The following TNFRSF8 variants were observed in gnomAD, a reference collection of about 807,000 sequenced individuals.
TNFRSF8 encodes the protein tumor necrosis factor receptor superfamily member 8.
A neutral mutation model predicts 70.8 loss-of-function variants in TNFRSF8; 26 were observed. The observed-to-expected ratio is 0.37, with a 90% CI of 0.27 to 0.51. The LOEUF (loss-of-function observed/expected upper bound fraction) is 0.51. Among genes scored for constraint, TNFRSF8 ranks in the 20% least tolerant of loss-of-function variants. The pLI, the probability that TNFRSF8 is intolerant of heterozygous loss-of-function variation, is 0.94. For synonymous variants in TNFRSF8, 356 were observed against 339.2 expected, an observed-to-expected ratio of 1.05 and a Z score of -0.54; for missense variants, 720 against 807.9, an observed-to-expected ratio of 0.89 and a Z score of 1.32.
rs771979594 is a variant in TNFRSF8, at chr1:12,138,212, C to T, written c.1336-17C>T. The T allele has an allele frequency of 1.2e-6, 2 of 1,612,090 alleles. No homozygotes were observed. Among genetic ancestry groups the T allele is most frequent in the South Asian group, 2.2e-5 (2 of 90,964 alleles). Reference sequence around the variant, plus strand: ...GGTTGGGGGTACCCTGCAGCAGCACCCATTCCCGTCCCACAGCAGCTGAGG... The same window carrying T: ...GGTTGGGGGTACCCTGCAGCAGCACTCATTCCCGTCCCACAGCAGCTGAGG... On this transcript the variant is annotated splice_polypyrimidine_tract_variant and intron_variant, in intron 13 of 14. Transcript: ENST00000263932. The surrounding 1 kb of genome is among the most constrained non-coding windows in gnomAD (Gnocchi z 5.7).
In TNFRSF8 at chr1:12,063,848, T is replaced by G. The variant is rs763965704; in HGVS notation, c.63+187T>G. Among the ~76,000 whole-genome samples, 1 of 152,106 alleles carries G rather than the reference T, an allele frequency of 6.6e-6. No individual in the cohort carries two copies. The highest frequency in any genetic ancestry group is 6.6e-5 in the Admixed American group (1 of 15,266). Reference sequence around the variant, plus strand: ...ACAGGTGGGAGGCTGGCTGAAGGGCTAGTGGTGGGGGGCGCCTCCTTCTCA... The same window carrying G: ...ACAGGTGGGAGGCTGGCTGAAGGGCGAGTGGTGGGGGGCGCCTCCTTCTCA... On this transcript the variant is annotated intron_variant, in intron 1 of 14. Coordinates refer to ENST00000263932, the MANE Select transcript of TNFRSF8 (RefSeq NM_001243.5). The surrounding 1 kb of genome is among the most constrained non-coding windows in gnomAD (Gnocchi z 7.2).
At chr1:12,091,308 A>G (rs1641244655) in intron 2 of TNFRSF8, among the ~76,000 whole-genome samples, 1 of 152,226 alleles carries the variant, frequency 6.6e-6, no homozygotes. Context: ...AAGGCAGCTT[A>G]TAAAGTTGTG....
intron 1 of TNFRSF8, among the ~76,000 whole-genome samples, chr1:12,078,744 G>A (rs60330950): frequency 0.062 from 9,481 of 152,184 alleles, 1,006 homozygotes; most frequent in African/African-American, 0.21. Context: ...TCGTCCTTAC[G>A]TCTCAGTCTC....
At position 12,124,163 on chromosome 1, in the gene TNFRSF8, C is replaced by A. The variant is rs545865434; in HGVS notation, c.1153+336C>A. 4.6e-5 allele frequency among the ~76,000 whole-genome samples: 7 copies of A among 152,086 alleles called. 1 individual carries two copies. The highest frequency in any genetic ancestry group is 1.0e-4 in the Non-Finnish European group (7 of 68,032). On this transcript the variant is annotated intron_variant, in intron 10 of 14. Transcript: ENST00000263932. Reference sequence around the variant, plus strand: ...GGGTTTACAGGCGCTTGCCACCACGCCTGGCTAAATTTTTTTTTAATTTTT... The same window carrying A: ...GGGTTTACAGGCGCTTGCCACCACGACTGGCTAAATTTTTTTTTAATTTTT...
At chr1:12,106,306 G>A (rs1047609301) in intron 4 of TNFRSF8, among the ~76,000 whole-genome samples, 1 of 151,892 alleles carries the variant, frequency 6.6e-6, no homozygotes, top group African/African-American at 2.4e-5. Context: ...TCTCTCTGTC[G>A]GAGACACCCT....
chr1:12,091,786 T>C (rs948044171), intron 2 of TNFRSF8, among the ~76,000 whole-genome samples: 3 of 152,178 alleles, frequency 2.0e-5, no homozygotes, highest in Non-Finnish European at 4.4e-5. Context: ...TTGTGGAAGA[T>C]GATTCTTCCC....
At chr1:12,126,118 C>G in intron 11 of TNFRSF8, 65 bp from the exon 12 acceptor site, 1 of 1,613,114 alleles carries the variant, frequency 6.2e-7, no homozygotes, top group Non-Finnish European at 8.5e-7. Context: ...GGCCTGGGTT[C>G]TTTCCCTGCC....
At chr1:12,132,351 T>C (rs1366030796) in intron 12 of TNFRSF8, among the ~76,000 whole-genome samples, 1 of 152,264 alleles carries the variant, frequency 6.6e-6, no homozygotes, top group East Asian at 1.9e-4. Flanking sequence ...CTTAGGCTAC[T>C]CTGGCCTGTG....
In TNFRSF8 at chr1:12,123,725, A is replaced by G. The variant is rs1470913912; in HGVS notation, c.1051A>G (p.Thr351Ala). 1 of 1,564,262 alleles carries G rather than the reference A, an allele frequency of 6.4e-7. No individual in the cohort carries two copies. Among genetic ancestry groups the G allele is most frequent in the Admixed American group, 1.9e-5 (1 of 52,690 alleles). Residue 351 changes from threonine to alanine, a missense_variant, in exon 10 of 15, where the codon ACT (threonine) becomes GCT (alanine). Thr to Ala is a moderately conservative substitution (Grantham distance 58, BLOSUM62 0). Transcript: ENST00000263932. ...NGEAPASTSP[T>A]QSLLVDSQAS... ...GGCTTCTCCCCGCAGCACCAGCCCC[A>G]CTCAGAGCTTGCTGGTGGACTCCCA...
intron 1 of TNFRSF8, among the ~76,000 whole-genome samples, chr1:12,081,743 C>T (rs371323372): frequency 1.3e-5 from 2 of 152,278 alleles, no homozygotes; most frequent in African/African-American, 4.8e-5. Context: ...CTGAACATGC[C>T]GGAAGCTTCA....
intron 2 of TNFRSF8, among the ~76,000 whole-genome samples, chr1:12,090,347 C>A (rs1183312862): frequency 6.6e-6 from 1 of 151,588 alleles, no homozygotes; most frequent in Admixed American, 6.6e-5. Flanking sequence ...TCCATCCACC[C>A]ATCCGTCTAC....
At chr1:12,102,585 G>T (rs1641443651) in intron 3 of TNFRSF8, among the ~76,000 whole-genome samples, 1 of 152,106 alleles carries the variant, frequency 6.6e-6, no homozygotes, top group African/African-American at 2.4e-5. Flanking sequence ...GAGTGAAGTG[G>T]GGCCATCTCA....
rs1304266819 is a variant in TNFRSF8, at chr1:12,110,512, C to G, written c.676+308C>G. Among the ~76,000 whole-genome samples, 1 of 152,234 alleles carries G rather than the reference C, an allele frequency of 6.6e-6. No individual in the cohort carries two copies. Among genetic ancestry groups the G allele is most frequent in the African/African-American group, 2.4e-5 (1 of 41,458 alleles). On this transcript the variant is annotated intron_variant, in intron 6 of 14. Transcript: ENST00000263932. This position sits in a 1 kb window ranked among gnomAD's most constrained non-coding sequence, Gnocchi z 4.0. The stretch of plus-strand genomic sequence containing the variant: ...AATGGGTCCCACTCTGCTGTTGTGA[C>G]ACTTGCGACTCAGCTGGCCAGCCTC...
Position 12,115,763 on chromosome 1 carries a change from G to T in TNFRSF8, c.946+34G>T, listed in dbSNP as rs764390146. ...TTCCCACCCCAGGCCTCGACCACAG[G>T]GTGGAGTCTGTGCCCCCACTGTTGT... On this transcript the variant is annotated intron_variant, in intron 8 of 14. Coordinates refer to ENST00000263932, the MANE Select transcript of TNFRSF8 (RefSeq NM_001243.5). The T allele has an allele frequency of 5.6e-6, 9 of 1,606,262 alleles. 1 individual carries two copies. The South Asian group carries it at 9.9e-5, about 18-fold the overall frequency.
intron 12 of TNFRSF8, among the ~76,000 whole-genome samples, chr1:12,131,002 C>CACTT (rs2101037210): frequency 6.6e-6 from 1 of 152,292 alleles, no homozygotes; most frequent in African/African-American, 2.4e-5. Context: ...TGTGATTTTA[C>CACTT]ACTTGTTTGG....
chr1:12,096,749 T>C (rs181229155), intron 2 of TNFRSF8, among the ~76,000 whole-genome samples: 2 of 152,232 alleles, frequency 1.3e-5, no homozygotes, highest in African/African-American at 4.8e-5. Flanking sequence ...GTCCTATTAC[T>C]AACTTAATAG....
intron 12 of TNFRSF8, 23 bp downstream of exon 12, chr1:12,126,259 G>A (rs372113168): frequency 6.2e-7 from 1 of 1,614,046 alleles, no homozygotes; most frequent in Non-Finnish European, 8.5e-7. Context: ...CCGTCCAAAG[G>A]GGCTGCCCGA....
rs542462017 is a variant in TNFRSF8, at chr1:12,114,694, CTTTTT to C, written c.794-858_794-854del. Reference sequence around the variant, plus strand: ...TTTTTGCTTTTGGAGGAAAAAAAATCTTTTTTTTTTTTTTTTTTTTTTTTTTTTTA... The same window carrying C: ...TTTTTGCTTTTGGAGGAAAAAAAATCTTTTTTTTTTTTTTTTTTTTTTTTA... On this transcript the variant is annotated intron_variant, in intron 7 of 14. Coordinates refer to ENST00000263932, the MANE Select transcript of TNFRSF8 (RefSeq NM_001243.5). Among the ~76,000 whole-genome samples the C allele has an allele frequency of 1.7e-3, 132 of 77,048 alleles. 1 individual carries two copies. The highest frequency in any genetic ancestry group is 2.7e-3 in the South Asian group (5 of 1,826). 50.5% of individuals were successfully genotyped at this position (77,048 alleles called of 152,430 possible).
chr1:12,142,202 T>C lies in TNFRSF8; in HGVS notation c.1544-85T>C, dbSNP rs1642265247. 2 of 1,470,300 alleles carry C rather than the reference T, an allele frequency of 1.4e-6. No individual in the cohort carries two copies. The highest frequency in any genetic ancestry group is 9.0e-7 in the Non-Finnish European group (1 of 1,105,070). The allele number at this position is 1,470,300 out of a possible 1,614,324, so 91.1% of individuals were successfully genotyped here. ...AGCCACCCGGCAGGTGTACCAGCAC[T>C]GGGCCTCGGCCCTTCTCTGCCTCTT... On this transcript the variant is annotated intron_variant, in intron 14 of 14. Coordinates refer to ENST00000263932, the MANE Select transcript of TNFRSF8 (RefSeq NM_001243.5). The surrounding 1 kb of genome is among the most constrained non-coding windows in gnomAD (Gnocchi z 5.0).
Sources: allele counts gnomAD v4.1 joint callset (sites outside exome capture counted in the v4.1 genomes callset), GRCh38; gene constraint gnomAD v4.1.1; non-coding constraint Gnocchi (gnomAD v3.1); transcripts MANE v1.5; gene names NCBI Gene and HGNC (gene_info 2026-07-23, HGNC 2026-07-21).